Variants in OFD1 observed in about 807,000 individuals in gnomAD.
The protein encoded by OFD1 is centriole and centriolar satellite protein OFD1.
Under a neutral mutation model 81.4 loss-of-function variants are expected in OFD1, and 12 were observed. That is an observed-to-expected ratio of 0.15 (90% CI 0.09 to 0.24). OFD1 has a LOEUF of 0.24. Among genes scored for constraint, OFD1 ranks in the 10% least tolerant of loss-of-function variants. The pLI is 1.00. For synonymous variants in OFD1, 256 were observed against 263.7 expected (o/e 0.97, Z 0.28); for missense variants, 685 against 733.9 (o/e 0.93, Z 0.77).
chrX:13,715,975 G>A, the OFD1 span: 4 of 1,163,727 alleles, frequency 3.4e-6, no homozygotes, highest in Non-Finnish European at 4.6e-6. Flanking sequence ...TTTCTCATCA[G>A]AATTTAAAAA....
At chrX:13,755,946 C>CTTTTTTTTTTTTTT (rs34300430) in intron 12 of OFD1, among the ~76,000 whole-genome samples, 8 of 65,091 alleles carry the variant, frequency 1.2e-4, no homozygotes, top group African/African-American at 5.3e-4. Flanking sequence ...CTTTCTTTCC[C>CTTTTTTTTTTTTTT]TTTTTTTTTT....
chrX:13,723,636 C>T, the OFD1 span, among the ~76,000 whole-genome samples: 13 of 111,953 alleles, frequency 1.2e-4, no homozygotes, highest in South Asian at 4.4e-3. Flanking sequence ...ATTTTCCCAT[C>T]GCCTTAAATA....
At chrX:13,762,508 A>G (rs1304378646) in intron 18 of OFD1, 64 bp downstream of exon 18, 1 of 714,402 alleles carries the variant, frequency 1.4e-6, no homozygotes, top group Non-Finnish European at 2.2e-6. Flanking sequence ...GTTTTGGTGA[A>G]ACGTATCCAT....
At chrX:13,716,630 G>A in the OFD1 span, 1 of 1,210,183 alleles carries the variant, frequency 8.3e-7, no homozygotes, top group African/African-American at 1.7e-5. Context: ...TCATCTACGA[G>A]GTCGAGAGCA....
intron 6 of OFD1, 68 bp from the exon 7 acceptor site, chrX:13,746,251 A>G (rs2047292045): frequency 9.9e-7 from 1 of 1,014,091 alleles, no homozygotes; most frequent in Non-Finnish European, 1.4e-6. Flanking sequence ...CTTTTGAACC[A>G]GAGGTCTGGC....
chrX:13,759,936 C>T (rs939134080), intron 15 of OFD1, among the ~76,000 whole-genome samples, 179 bp from the exon 16 acceptor site: 1 of 112,454 alleles, frequency 8.9e-6, no homozygotes. Context: ...AAAGCTGTAG[C>T]TGGTACAATA....
the OFD1 span, chrX:13,715,788 T>C: frequency 1.1e-6 from 1 of 929,328 alleles, no homozygotes; most frequent in South Asian, 3.8e-5. Flanking sequence ...TTCACAATCA[T>C]CTAAAGGTAA....
At position 13,768,800 on chromosome X, in the gene OFD1, T is replaced by C; in HGVS notation, c.2996+15T>C. The stretch of plus-strand genomic sequence containing the variant: ...AAAGTCGAAAGGTACCTGTTTTCCC[T>C]ACACACTTTCATACACAAACTGTTA... On this transcript the variant is annotated intron_variant, in intron 22 of 22. Coordinates refer to ENST00000340096, the MANE Select transcript of OFD1 (RefSeq NM_003611.3). 1 of 1,170,394 alleles carries C rather than the reference T, an allele frequency of 8.5e-7. No individual in the cohort carries two copies. Among genetic ancestry groups the C allele is most frequent in the Non-Finnish European group, 1.2e-6 (1 of 857,619 alleles).
chrX:13,749,231 A>G (rs2047412550), intron 8 of OFD1, among the ~76,000 whole-genome samples, 196 bp from the exon 9 acceptor site: 1 of 111,792 alleles, frequency 8.9e-6, no homozygotes, highest in African/African-American at 3.3e-5. Context: ...TGGTAGTTTA[A>G]CAGTCATTGG....
the OFD1 span, chrX:13,715,825 C>A: frequency 1.0e-6 from 1 of 970,908 alleles, no homozygotes; most frequent in Non-Finnish European, 1.3e-6. Context: ...TTCCTAAATA[C>A]ATATTCACCT....
rs1024178640 is a variant in OFD1 at position 13,766,274 on chromosome X, C to T, written c.2600-853C>T. ...CAGGTTGTTGGAAGGCAGAGACTGG[C>T]TTCAGGAAGAGCCTTGACTGGGCTG... On this transcript the variant is annotated intron_variant, in intron 19 of 22. Coordinates refer to ENST00000340096, the MANE Select transcript of OFD1 (RefSeq NM_003611.3). Among the ~76,000 whole-genome samples, 4 of 111,992 alleles carry T rather than the reference C, an allele frequency of 3.6e-5. No homozygotes were observed. In the Admixed American group the frequency reaches 3.8e-4, roughly 11 times the overall value.
rs374662303 is a variant in OFD1 at position 13,765,012 on chromosome X, G to T, written c.2599+1157G>T. Among the ~76,000 whole-genome samples the T allele has an allele frequency of 8.9e-5, 10 of 112,034 alleles. No individual in the cohort carries two copies. The East Asian group carries it at 2.8e-3, about 31-fold the overall frequency. ...TCATTTGGCACAGACCTGAGCGAGG[G>T]AATACAAATAATGTGATAGGATAAG... On this transcript the variant is annotated intron_variant, in intron 19 of 22. Coordinates refer to ENST00000340096, the MANE Select transcript of OFD1 (RefSeq NM_003611.3).
At position 13,761,904 on chromosome X, in the gene OFD1, C is replaced by CTTTT. The variant is rs747167069; in HGVS notation, c.2388-420_2388-417dup. The stretch of plus-strand genomic sequence containing the variant: ...ACATGGGCCTGTCGTAGTCCTAAAG[C>CTTTT]TTTTTTTTTTTTTTTTTTTTTTTGT... On this transcript the variant is annotated intron_variant, in intron 17 of 22. Transcript: ENST00000340096. Among the ~76,000 whole-genome samples the CTTTT allele has an allele frequency of 4.8e-3, 333 of 68,913 alleles. 5 individuals are homozygous for CTTTT. Among genetic ancestry groups the CTTTT allele is most frequent in the African/African-American group, 0.018 (305 of 16,848 alleles). 59.8% of individuals were successfully genotyped at this position (68,913 alleles called of 115,157 possible).
At chrX:13,738,536 G>A (rs1415217213) in intron 3 of OFD1, among the ~76,000 whole-genome samples, 1 of 112,674 alleles carries the variant, frequency 8.9e-6, no homozygotes, top group Non-Finnish European at 1.9e-5. Context: ...ACTCAGTCAT[G>A]TAGTCATTGG....
the OFD1 span, among the ~76,000 whole-genome samples, chrX:13,723,952 AG>A: frequency 8.9e-6 from 1 of 111,855 alleles, no homozygotes; most frequent in Non-Finnish European, 1.9e-5. Flanking sequence ...TGTCATGACA[AG>A]GGCCTTAAAA....
intron 5 of OFD1, among the ~76,000 whole-genome samples, chrX:13,741,179 A>G (rs1311959216): frequency 9.0e-6 from 1 of 111,616 alleles, no homozygotes; most frequent in Non-Finnish European, 1.9e-5. Context: ...CTTTAAATGC[A>G]TCTGGTTCAG....
upstream of OFD1, chrX:13,734,560 A>G: frequency 2.3e-6 from 1 of 430,292 alleles, no homozygotes; most frequent in Non-Finnish European, 3.1e-6. Context: ...ACGCAATGTC[A>G]GTTTCCGCGG....
At chrX:13,746,980 G>C (rs1318942354) in intron 8 of OFD1, 27 bp downstream of exon 8, 1 of 1,180,069 alleles carries the variant, frequency 8.5e-7, no homozygotes, top group African/African-American at 1.7e-5. Flanking sequence ...TTTTATGGGT[G>C]GCTATTTCCT....
At chrX:13,741,452 C>G (rs2146944307) in intron 5 of OFD1, among the ~76,000 whole-genome samples, 1 of 111,842 alleles carries the variant, frequency 8.9e-6, no homozygotes, top group South Asian at 3.7e-4. Flanking sequence ...TGGTCTTATC[C>G]TACCATATCT....
Sources: gnomAD v4.1 joint callset for allele counts (sites outside exome capture counted in the v4.1 genomes callset) on GRCh38, gnomAD v4.1.1 for gene constraint, MANE v1.5 for transcripts, NCBI Gene and HGNC (gene_info 2026-07-23, HGNC 2026-07-21) for gene names.